ABCC2: variants seen among roughly 807,000 people sequenced by gnomAD.
The protein encoded by ABCC2 is ATP-binding cassette sub-family C member 2.
ABCC2 carries 157 observed loss-of-function variants against 173.4 expected under a neutral mutation model. The observed-to-expected ratio is 0.91, with a 90% CI of 0.80 to 1.03. The LOEUF is 1.03. ABCC2 is among the 50% of genes least tolerant of loss of function. The probability of loss-of-function intolerance (pLI) is 0.00; values close to 1 mark genes in which losing one functional copy is unlikely to be tolerated. For missense variants in ABCC2, 1,822 were observed against 1,852.3 expected (o/e 0.98, Z 0.30); for synonymous variants, 657 against 693.5 (o/e 0.95, Z 0.83).
chr10:99,811,406 TG>T, intron 14 of ABCC2, 129 bp from the exon 15 acceptor site: 1 of 875,470 alleles, frequency 1.1e-6, no homozygotes, highest in Non-Finnish European at 1.9e-6. Context: ...ATTCACCTCC[TG>T]TTAGCGTAGG....
chr10:99,850,405 G>C (rs575774924), intron 30 of ABCC2, among the ~76,000 whole-genome samples, 197 bp from the exon 31 acceptor site: 3 of 152,328 alleles, frequency 2.0e-5, no homozygotes, highest in African/African-American at 7.2e-5. Context: ...TACTTGGGGT[G>C]GGTCTTCAAT....
chr10:99,840,624 G>A (rs1215072574), intron 25 of ABCC2, among the ~76,000 whole-genome samples: 1 of 149,814 alleles, frequency 6.7e-6, no homozygotes, highest in African/African-American at 2.4e-5. Context: ...TCCTGCCTCA[G>A]CCTCAGCCTC....
At chr10:99,787,519 G>A (rs35683214) in intron 2 of ABCC2, among the ~76,000 whole-genome samples, 40,052 of 151,994 alleles carry the variant, frequency 0.26, 5,480 homozygotes, top group Admixed American at 0.3. Flanking sequence ...CCTGCCAACA[G>A]TGTGTTAAAG....
Position 99,814,522 on chromosome 10 carries a change from CAT to C in ABCC2, c.2094+1386_2094+1387del, listed in dbSNP as rs149877544. Among the ~76,000 whole-genome samples, 208 of 22,246 alleles carry C rather than the reference CAT, an allele frequency of 9.4e-3. 52 individuals are homozygous for C. Among genetic ancestry groups the C allele is most frequent in the African/African-American group, 0.019 (119 of 6,152 alleles). The allele number at this position is 22,246 out of a possible 152,430, so 14.6% of individuals were successfully genotyped here. A position where few individuals can be genotyped will look rare whatever the true frequency, so the allele number is the denominator to read the frequency against. ...ATATGTGTGTGTATGTGTATATATACATATATATACACATATACACACACATA... is the reference window on the plus strand; with the variant it reads ...ATATGTGTGTGTATGTGTATATATACATATATACACATATACACACACATA... On this transcript the variant is annotated intron_variant, in intron 16 of 31. Transcript: ENST00000647814.
intron 2 of ABCC2, among the ~76,000 whole-genome samples, chr10:99,786,259 C>T (rs940787936): frequency 6.6e-6 from 1 of 152,042 alleles, no homozygotes; most frequent in African/African-American, 2.4e-5. Context: ...AGCCTGGCAA[C>T]ATAGTGAGTC....
intron 16 of ABCC2, among the ~76,000 whole-genome samples, chr10:99,814,133 GTATATATACACACATGTA>G (rs2038274141): frequency 8.0e-5 from 5 of 62,262 alleles, no homozygotes; most frequent in East Asian, 7.6e-4. Flanking sequence ...ACATATGTGT[GTATATATACACACATGTA>G]TGTATACACA....
rs868789366 is a variant in ABCC2, at chr10:99,810,223, A to G, written c.1900+5A>G. Reference sequence around the variant, plus strand: ...TTCGACATGACTGCAATTTTGGTAAATAAATTTGGAAGTTGCTTCCCAAAC... The same window carrying G: ...TTCGACATGACTGCAATTTTGGTAAGTAAATTTGGAAGTTGCTTCCCAAAC... On this transcript the variant is annotated splice_donor_5th_base_variant and intron_variant, in intron 14 of 31. Coordinates refer to ENST00000647814, the MANE Select transcript of ABCC2 (RefSeq NM_000392.5). The G allele has an allele frequency of 3.7e-6, 6 of 1,612,796 alleles. No homozygotes were observed. The Middle Eastern group carries it at 9.9e-4, about 267-fold the overall frequency.
chr10:99,850,890 AACC>A (rs2039079845), intron 31 of ABCC2, 94 bp downstream of exon 31: 2 of 1,419,684 alleles, frequency 1.4e-6, no homozygotes, highest in African/African-American at 1.4e-5. Context: ...CAGAAGGTTT[AACC>A]ACCACCACAT....
chr10:99,829,486 G>T (rs1236874994), intron 19 of ABCC2, among the ~76,000 whole-genome samples: 2 of 152,088 alleles, frequency 1.3e-5, no homozygotes, highest in Admixed American at 1.3e-4. Flanking sequence ...CTTTTATGGA[G>T]GAGTAGATAT....
chr10:99,795,864 G>T (rs564688455), intron 6 of ABCC2, among the ~76,000 whole-genome samples: 1 of 152,270 alleles, frequency 6.6e-6, no homozygotes, highest in East Asian at 1.9e-4. Context: ...TTTAGGCCAG[G>T]TATGGTGGTT....
chr10:99,811,329 C>CA (rs59066738), intron 14 of ABCC2, among the ~76,000 whole-genome samples: 355 of 133,830 alleles, frequency 2.7e-3, no homozygotes, highest in Admixed American at 3.9e-3. Flanking sequence ...GACCATGACT[C>CA]AAAAAAAAAA....
At chr10:99,813,608 G>C (rs888994240) in intron 16 of ABCC2, among the ~76,000 whole-genome samples, 43 of 152,074 alleles carry the variant, frequency 2.8e-4, no homozygotes, top group Non-Finnish European at 6.2e-4. Flanking sequence ...CCAGCTACTT[G>C]GGAGGCTGAG....
chr10:99,809,776 T>C (rs1453644642), intron 13 of ABCC2, among the ~76,000 whole-genome samples: 1 of 152,180 alleles, frequency 6.6e-6, no homozygotes, highest in Admixed American at 6.5e-5. Flanking sequence ...GTTAGGATGC[T>C]GGGTGGGCAT....
intron 20 of ABCC2, 78 bp from the exon 21 acceptor site, chr10:99,830,638 G>A: frequency 6.2e-7 from 1 of 1,607,384 alleles, no homozygotes; most frequent in South Asian, 1.1e-5. Context: ...TTTGATGCCA[G>A]CTGAGTGACT....
chr10:99,833,783 C>G (rs749372804), intron 23 of ABCC2, among the ~76,000 whole-genome samples: 1 of 152,114 alleles, frequency 6.6e-6, no homozygotes, highest in Admixed American at 6.5e-5. Context: ...CACATATTAC[C>G]AATCATAGAA....
Position 99,831,794 on chromosome 10 carries a change from A to G in ABCC2, c.3067A>G (p.Arg1023Gly), listed in dbSNP as rs1418569480. 1.9e-6 allele frequency: 3 copies of G among 1,614,148 alleles called. No homozygotes were observed. The highest frequency in any genetic ancestry group is 2.5e-6 in the Non-Finnish European group (3 of 1,180,024). ...CTATCCAGCATCTCAGAGGGACATG[A>G]GAGTTGGAGTCTACGGAGCTCTGGG... ...TDYPASQRDM[R>G]VGVYGALGLA... The change falls in exon 22 of 32, where the codon AGA (arginine) becomes GGA (glycine). Residue 1023 changes from arginine (R) to glycine (G), a missense_variant. Physicochemically the swap from Arg to Gly is moderately radical, Grantham distance 125. Transcript: ENST00000647814.
rs773968282 is a variant in ABCC2, at chr10:99,800,469, T to C, written c.1115T>C (p.Leu372Pro). 13 of 1,614,212 alleles carry C rather than the reference T, an allele frequency of 8.1e-6. No individual in the cohort carries two copies. In the South Asian group the frequency reaches 1.4e-4, roughly 18 times the overall value. The change falls in exon 9 of 32, where the codon CTC becomes CCC. Residue 372 changes from leucine (L) to proline (P), a missense_variant. Coordinates refer to ENST00000647814, the MANE Select transcript of ABCC2 (RefSeq NM_000392.5). Reference protein sequence around the residue: ...LCAILLFTAALIQSFCLQCYF... With the variant: ...LCAILLFTAAPIQSFCLQCYF... The stretch of plus-strand genomic sequence containing the variant: ...GCAATCCTCTTATTCACTGCGGCTC[T>C]CATTCAGTCTTTCTGCCTTCAGTGT...
At chr10:99,784,075 T>C (rs913939119) in intron 1 of ABCC2, among the ~76,000 whole-genome samples, 5 of 143,510 alleles carry the variant, frequency 3.5e-5, no homozygotes, top group Non-Finnish European at 7.4e-5. Flanking sequence ...GTTGGAAGCC[T>C]TCTGTCCAAC....
chr10:99,791,512 A>G (rs1317652737), intron 2 of ABCC2, among the ~76,000 whole-genome samples: 1 of 152,210 alleles, frequency 6.6e-6, no homozygotes, highest in Non-Finnish European at 1.5e-5. Context: ...TAGCAGCTAA[A>G]AGAGAATTCT....
Sources: gnomAD v4.1 joint callset for allele counts (sites outside exome capture counted in the v4.1 genomes callset) on GRCh38, gnomAD v4.1.1 for gene constraint, MANE v1.5 for transcripts, NCBI Gene and HGNC (gene_info 2026-07-23, HGNC 2026-07-21) for gene names.